Variants in PRKG1 observed in about 807,000 individuals in gnomAD.
PRKG1 encodes the protein protein kinase cGMP-dependent 1.
PRKG1 carries 35 observed loss-of-function variants against 88.1 expected under a neutral mutation model. The observed-to-expected ratio is 0.40, with a 90% CI of 0.30 to 0.53. The LOEUF (loss-of-function observed/expected upper bound fraction) is 0.53, where lower values mean the gene tolerates loss of function less well. PRKG1 is among the 20% of genes least tolerant of loss of function. The pLI is 0.59. For synonymous variants in PRKG1, 303 were observed against 292.5 expected, an observed-to-expected ratio of 1.04 and a Z score of -0.37; for missense variants, 540 against 839.8, an observed-to-expected ratio of 0.64 and a Z score of 4.41.
intron 2 of PRKG1, among the ~76,000 whole-genome samples, chr10:51,197,342 G>A (rs1017041323): frequency 2.0e-5 from 3 of 151,824 alleles, no homozygotes; most frequent in South Asian, 2.1e-4. Flanking sequence ...ACATGATCTC[G>A]GCTCACCGCA....
chr10:51,972,410 C>T (rs997250974), intron 5 of PRKG1, among the ~76,000 whole-genome samples: 1 of 152,174 alleles, frequency 6.6e-6, no homozygotes, highest in African/African-American at 2.4e-5. Flanking sequence ...TACCTCTGGT[C>T]ATATACTGAA....
intron 9 of PRKG1, among the ~76,000 whole-genome samples, chr10:52,215,198 C>T (rs1840079483): frequency 6.6e-6 from 1 of 151,714 alleles, no homozygotes; most frequent in East Asian, 2.0e-4. Context: ...AGTTTGAGAC[C>T]AGCCTGGCCA....
At chr10:52,153,360 T>A (rs758936786) in intron 8 of PRKG1, among the ~76,000 whole-genome samples, 18 of 152,340 alleles carry the variant, frequency 1.2e-4, no homozygotes, top group Non-Finnish European at 2.2e-4. Context: ...CACATTGTCA[T>A]TGAAAGCATG....
At chr10:52,085,803 T>C (rs1229325979) in intron 7 of PRKG1, among the ~76,000 whole-genome samples, 1 of 152,160 alleles carries the variant, frequency 6.6e-6, no homozygotes, top group Non-Finnish European at 1.5e-5. Flanking sequence ...TCCCCTATTT[T>C]ATATTTGCAT....
chr10:52,264,222 T>A (rs951198582), intron 10 of PRKG1, among the ~76,000 whole-genome samples: 10 of 152,068 alleles, frequency 6.6e-5, no homozygotes, highest in African/African-American at 2.2e-4. Flanking sequence ...TGGAACATAG[T>A]GCTTATGCAT....
At chr10:51,739,780 C>G (rs1837385054) in intron 3 of PRKG1, among the ~76,000 whole-genome samples, 1 of 151,946 alleles carries the variant, frequency 6.6e-6, no homozygotes, top group African/African-American at 2.4e-5. Flanking sequence ...TGAGACCAGC[C>G]TGGAAACATG....
intron 3 of PRKG1, among the ~76,000 whole-genome samples, chr10:51,627,846 CCTTTCCTTTCTCCT>C (rs1163333087): frequency 6.3e-5 from 8 of 127,878 alleles, no homozygotes; most frequent in African/African-American, 2.1e-4. Context: ...CCTTTCCTTT[CCTTTCCTTTCTCCT>C]TCCTTCCTTC....
intron 2 of PRKG1, among the ~76,000 whole-genome samples, chr10:51,157,266 C>G (rs1025067347): frequency 6.6e-6 from 1 of 151,772 alleles, no homozygotes; most frequent in Non-Finnish European, 1.5e-5. Flanking sequence ...AAAAGTGCTA[C>G]CTAGTAGAAG....
chr10:51,232,470 T>G (rs1838869852), intron 2 of PRKG1, among the ~76,000 whole-genome samples: 1 of 152,064 alleles, frequency 6.6e-6, no homozygotes, highest in South Asian at 2.1e-4. Context: ...GTGATGGACT[T>G]GAAAAAATGG....
intron 2 of PRKG1, among the ~76,000 whole-genome samples, chr10:51,157,873 G>A (rs1846253940): frequency 6.6e-6 from 1 of 150,472 alleles, no homozygotes; most frequent in South Asian, 2.1e-4. Context: ...AACTTGTTTT[G>A]TTTTATTCAT....
At chr10:51,839,158 AAC>A (rs34845061) in intron 4 of PRKG1, among the ~76,000 whole-genome samples, 33,740 of 151,924 alleles carry the variant, frequency 0.22, 4,179 homozygotes, top group South Asian at 0.28. Flanking sequence ...TTATTTTTTT[AAC>A]AGTTGGTTGA....
At chr10:51,973,099 T>C (rs756001077) in intron 5 of PRKG1, among the ~76,000 whole-genome samples, 1 of 152,160 alleles carries the variant, frequency 6.6e-6, no homozygotes, top group South Asian at 2.1e-4. Flanking sequence ...TGCCAGTCTC[T>C]AGTGACAAGC....
At chr10:51,152,126 C>G (rs983588840) in intron 1 of PRKG1, among the ~76,000 whole-genome samples, 3 of 152,050 alleles carry the variant, frequency 2.0e-5, no homozygotes, top group African/African-American at 7.2e-5. Context: ...AATATTTCTT[C>G]CACTTTGATT....
chr10:51,982,700 C>T (rs950241837), intron 5 of PRKG1, among the ~76,000 whole-genome samples: 3 of 149,372 alleles, frequency 2.0e-5, no homozygotes, highest in Admixed American at 1.3e-4. Flanking sequence ...TGCTGAGGTG[C>T]TCCTGGACCA....
At chr10:51,934,986 C>G (rs1842772348) in intron 5 of PRKG1, among the ~76,000 whole-genome samples, 1 of 152,096 alleles carries the variant, frequency 6.6e-6, no homozygotes, top group Non-Finnish European at 1.5e-5. Flanking sequence ...AGAAGACTTT[C>G]TATCTGCCTC....
At chr10:51,890,131 C>T (rs1169999214) in intron 4 of PRKG1, among the ~76,000 whole-genome samples, 1 of 152,118 alleles carries the variant, frequency 6.6e-6, no homozygotes, top group African/African-American at 2.4e-5. Flanking sequence ...GAAGTCCTTG[C>T]CCATGCCTAT....
chr10:51,673,453 G>A (rs978187983), intron 3 of PRKG1, among the ~76,000 whole-genome samples: 4 of 152,146 alleles, frequency 2.6e-5, no homozygotes, highest in Non-Finnish European at 5.9e-5. Context: ...GAGGAAATTG[G>A]AGATAAAGTC....
chr10:51,829,981 A>T (rs1839963874), intron 4 of PRKG1, among the ~76,000 whole-genome samples: 1 of 152,150 alleles, frequency 6.6e-6, no homozygotes, highest in Non-Finnish European at 1.5e-5. Flanking sequence ...GATGTTGATG[A>T]AACCAGCTTT....
chr10:51,086,351 T>C (rs1208794187), intron 1 of PRKG1, among the ~76,000 whole-genome samples: 3 of 152,200 alleles, frequency 2.0e-5, no homozygotes, highest in Non-Finnish European at 4.4e-5. Flanking sequence ...CTCAGCTTAA[T>C]AAAAGTGTTT....
Sources: allele counts gnomAD v4.1 joint callset (sites outside exome capture counted in the v4.1 genomes callset), GRCh38; gene constraint gnomAD v4.1.1; transcripts MANE v1.5; gene names NCBI Gene and HGNC (gene_info 2026-07-23, HGNC 2026-07-21).